The following GLG1 variants were observed in gnomAD, a reference collection of about 807,000 sequenced individuals.
The protein encoded by GLG1 is Golgi apparatus protein 1.
A neutral mutation model predicts 160.5 loss-of-function variants in GLG1; 38 were observed. The ratio of observed to expected loss-of-function variants is 0.24; its 90% CI spans 0.18 to 0.31. The LOEUF is 0.31. Among genes scored for constraint, GLG1 ranks in the 10% least tolerant of loss-of-function variants. The pLI is 1.00. For missense variants in GLG1, 1,373 were observed against 1,505.2 expected (o/e 0.91, Z 1.45); for synonymous variants, 644 against 543.4 (o/e 1.19, Z -2.57).
At chr16:74,589,147 C>G (rs189935238) in intron 1 of GLG1, among the ~76,000 whole-genome samples, 2 of 151,260 alleles carry the variant, frequency 1.3e-5, no homozygotes, top group Non-Finnish European at 2.9e-5. Flanking sequence ...CCCAGCTACT[C>G]GAGAGGCTGA....
At chr16:74,572,763 C>G (rs541270305) in intron 1 of GLG1, among the ~76,000 whole-genome samples, 1 of 151,834 alleles carries the variant, frequency 6.6e-6, no homozygotes, top group Admixed American at 6.6e-5. Flanking sequence ...CCTGCTCTAG[C>G]AAATTCACTG....
intron 1 of GLG1, chr16:74,552,302 G>A: frequency 1.0e-5 from 6 of 581,730 alleles, no homozygotes; most frequent in South Asian, 7.6e-5. Flanking sequence ...CCTTTTTAAG[G>A]AGGGAGTCAT....
chr16:74,520,001 T>C (rs1374365428), intron 2 of GLG1, among the ~76,000 whole-genome samples: 1 of 152,242 alleles, frequency 6.6e-6, no homozygotes, highest in Non-Finnish European at 1.5e-5. Flanking sequence ...TTTATTTTCC[T>C]ATACGACTTT....
chr16:74,590,704 G>A (rs1262768658), intron 1 of GLG1, among the ~76,000 whole-genome samples: 4 of 149,926 alleles, frequency 2.7e-5, no homozygotes, highest in Non-Finnish European at 4.4e-5. Context: ...GGCTGAGGCA[G>A]GAGAATCACT....
chr16:74,541,302 T>C (rs992660334), intron 1 of GLG1, among the ~76,000 whole-genome samples: 6 of 130,002 alleles, frequency 4.6e-5, no homozygotes, highest in African/African-American at 1.8e-4. Context: ...CCAGCCTAGG[T>C]AGCAGAGCAA....
intron 1 of GLG1, among the ~76,000 whole-genome samples, chr16:74,569,659 C>G (rs1295448432): frequency 2.0e-5 from 3 of 151,878 alleles, no homozygotes; most frequent in African/African-American, 7.3e-5. Context: ...GTCAGGAGCT[C>G]AAGACCAGCC....
chr16:74,453,090 G>T lies in GLG1; in HGVS notation c.*77C>A, dbSNP rs1318661012. 6.4e-7 allele frequency: 1 copy of T among 1,556,432 alleles called. No individual in the cohort carries two copies. The highest frequency in any genetic ancestry group is 8.7e-7 in the Non-Finnish European group (1 of 1,151,644). ...TGGTGTCACTTCTGAGAAGAGCGAGGTGAGTGGGGATGCTATACAAGAGGG... is the reference window on the plus strand; with the variant it reads ...TGGTGTCACTTCTGAGAAGAGCGAGTTGAGTGGGGATGCTATACAAGAGGG... On this transcript the variant is annotated 3_prime_UTR_variant, in exon 26 of 26. Coordinates refer to ENST00000422840, the MANE Select transcript of GLG1 (RefSeq NM_001145667.2).
intron 1 of GLG1, among the ~76,000 whole-genome samples, chr16:74,533,254 G>A (rs1004504251): frequency 2.6e-5 from 4 of 152,280 alleles, no homozygotes; most frequent in African/African-American, 9.6e-5. Flanking sequence ...CCGGGAGGCG[G>A]AGCTTGCAGT....
At chr16:74,593,832 A>C (rs1380063018) in intron 1 of GLG1, among the ~76,000 whole-genome samples, 2 of 152,172 alleles carry the variant, frequency 1.3e-5, no homozygotes, top group African/African-American at 4.8e-5. Flanking sequence ...TCTCCTGGTT[A>C]ATTTTACTCA....
intron 11 of GLG1, among the ~76,000 whole-genome samples, chr16:74,478,694 C>G (rs970708175): frequency 1.3e-5 from 2 of 151,576 alleles, no homozygotes; most frequent in African/African-American, 4.9e-5. Flanking sequence ...GGCAGATCAC[C>G]TGAGGTCTGG....
intron 1 of GLG1, among the ~76,000 whole-genome samples, chr16:74,602,265 C>A (rs1958454864): frequency 6.6e-6 from 1 of 152,028 alleles, no homozygotes. Context: ...TAATCTGAGA[C>A]TGATATATCA....
At chr16:74,579,471 C>G (rs71392607) in intron 1 of GLG1, among the ~76,000 whole-genome samples, 1,779 of 152,100 alleles carry the variant, frequency 0.012, 13 homozygotes, top group Middle Eastern at 0.02. Flanking sequence ...TCTGTAATCC[C>G]AGCACTTTGG....
chr16:74,563,066 A>T (rs2018551897), intron 1 of GLG1: 1 of 152,206 alleles, frequency 6.6e-6, no homozygotes, highest in African/African-American at 2.4e-5. Context: ...CTTTCCCAAA[A>T]GCATGGATCA....
intron 1 of GLG1, among the ~76,000 whole-genome samples, chr16:74,572,275 C>T (rs2018850664): frequency 6.6e-6 from 1 of 152,052 alleles, no homozygotes; most frequent in African/African-American, 2.4e-5. Context: ...CTTGGGGAGG[C>T]CGAAATGGGT....
chr16:74,522,304 TA>T (rs1467007284), intron 2 of GLG1, among the ~76,000 whole-genome samples: 24 of 152,246 alleles, frequency 1.6e-4, no homozygotes. Flanking sequence ...AAAATGGCTG[TA>T]TCATTTGCTA....
intron 9 of GLG1, among the ~76,000 whole-genome samples, chr16:74,484,845 G>A (rs1488640850): frequency 5.3e-5 from 8 of 151,998 alleles, no homozygotes; most frequent in Non-Finnish European, 8.8e-5. Context: ...CTCGAACTCT[G>A]GACCTCACGT....
At position 74,452,776 on chromosome 16, in the gene GLG1, C is replaced by G. The variant is rs758481036; in HGVS notation, c.*391G>C. On this transcript the variant is annotated 3_prime_UTR_variant, in exon 26 of 26. Transcript: ENST00000422840. ...GCCCAAATCAAGCCTGGAGGAGATG[C>G]GTTACTATATACATTTTTTTCTTTA... 2 of 990,780 alleles carry G rather than the reference C, an allele frequency of 2.0e-6. No individual in the cohort carries two copies. The highest frequency in any genetic ancestry group is 3.5e-5 in the African/African-American group (2 of 57,384). 61.4% of individuals were successfully genotyped at this position (990,780 alleles called of 1,614,324 possible).
intron 25 of GLG1, among the ~76,000 whole-genome samples, chr16:74,453,618 T>C (rs74672067): frequency 0.046 from 6,933 of 152,216 alleles, 176 homozygotes; most frequent in Non-Finnish European, 0.046. Flanking sequence ...ACACTGAAGA[T>C]GTGTCGGGCC....
chr16:74,596,312 T>C (rs1958301308), intron 1 of GLG1, among the ~76,000 whole-genome samples: 2 of 152,150 alleles, frequency 1.3e-5, no homozygotes, highest in South Asian at 2.1e-4. Context: ...GTGGATCACC[T>C]GAGGTCAGCA....
Sources: allele counts gnomAD v4.1 joint callset (sites outside exome capture counted in the v4.1 genomes callset), GRCh38; gene constraint gnomAD v4.1.1; transcripts MANE v1.5; gene names NCBI Gene and HGNC (gene_info 2026-07-23, HGNC 2026-07-21).